TES: variants seen among roughly 807,000 people sequenced by gnomAD.
TES encodes testin.
A neutral mutation model predicts 48.2 loss-of-function variants in TES; 41 were observed. The ratio of observed to expected loss-of-function variants is 0.85; its 90% CI spans 0.66 to 1.10. TES has a LOEUF of 1.10. Ranked by LOEUF, TES falls within the 50% of genes least tolerant of loss-of-function variation. The probability of loss-of-function intolerance (pLI) is 0.00; values close to 1 mark genes in which losing one functional copy is unlikely to be tolerated. For missense variants in TES, 463 were observed against 515.1 expected (o/e 0.90, Z 0.98); for synonymous variants, 162 against 174.9 (o/e 0.93, Z 0.58).
At chr7:116,233,581 C>CA (rs1434768949) in intron 1 of TES, among the ~76,000 whole-genome samples, 1 of 152,132 alleles carries the variant, frequency 6.6e-6, no homozygotes, top group Non-Finnish European at 1.5e-5. Context: ...TCAAAAATGG[C>CA]AAATCATATT....
chr7:116,248,083 C>T (rs1252755986), intron 2 of TES, among the ~76,000 whole-genome samples: 1 of 152,158 alleles, frequency 6.6e-6, no homozygotes, highest in Non-Finnish European at 1.5e-5. Context: ...TTTTCCTTTC[C>T]TGTATTAATT....
chr7:116,233,296 A>C (rs1180223630), intron 1 of TES, among the ~76,000 whole-genome samples: 9 of 152,144 alleles, frequency 5.9e-5, no homozygotes, highest in Admixed American at 3.9e-4. Flanking sequence ...GCTTAATTAC[A>C]ACCTTGTGTC....
intron 1 of TES, among the ~76,000 whole-genome samples, chr7:116,218,446 G>A (rs1799519566): frequency 6.6e-6 from 1 of 152,108 alleles, no homozygotes; most frequent in Non-Finnish European, 1.5e-5. Context: ...TAGATGTTAG[G>A]TGGATTTTTG....
chr7:116,243,531 C>T (rs10256347), intron 2 of TES, among the ~76,000 whole-genome samples: 17,902 of 152,108 alleles, frequency 0.12, 1,095 homozygotes, highest in Non-Finnish European at 0.13. Flanking sequence ...TATTTCCTAC[C>T]AGGCTACAGT....
chr7:116,210,590 T>C lies in TES; in HGVS notation c.-118T>C. 3 of 1,136,342 alleles carry C rather than the reference T, an allele frequency of 2.6e-6. No homozygotes were observed. The highest frequency in any genetic ancestry group is 3.4e-5 in the East Asian group (1 of 29,452). 70.4% of individuals were successfully genotyped at this position (1,136,342 alleles called of 1,614,324 possible). A position where few individuals can be genotyped will look rare whatever the true frequency, so the allele number is the denominator to read the frequency against. ...TCGACGGCGCCGGGCGAGTGGCTGT[T>C]GAGCGGCGCCGCGGGAGTTCCGCAG... On this transcript the variant is annotated 5_prime_UTR_variant, in exon 1 of 7. Coordinates refer to ENST00000358204, the MANE Select transcript of TES (RefSeq NM_015641.4).
At chr7:116,215,960 A>G (rs1199807449) in intron 1 of TES, among the ~76,000 whole-genome samples, 3 of 152,176 alleles carry the variant, frequency 2.0e-5, no homozygotes, top group Non-Finnish European at 4.4e-5. Context: ...TCTTCATGCA[A>G]AAACATTTCT....
In TES at chr7:116,257,391, C is replaced by T. The variant is rs1382937131; in HGVS notation, c.1175C>T (p.Ser392Phe). Residue 392 changes from serine to phenylalanine, a missense_variant, in exon 7 of 7, where the codon TCT becomes TTT. Ser to Phe is a radical substitution (Grantham distance 155, BLOSUM62 -2). Transcript: ENST00000358204. ...GCATCCACAGAGTGCTTTCTGTGCT[C>T]TTGCTGCAGCAAATGCCTCATTGGG... ...WHASTECFLC[S>F]CCSKCLIGQK... 41 of 1,613,936 alleles carry T rather than the reference C, an allele frequency of 2.5e-5. No homozygotes were observed. Among genetic ancestry groups the T allele is most frequent in the Non-Finnish European group, 3.4e-5 (40 of 1,180,018 alleles).
intron 1 of TES, 121 bp from the exon 2 acceptor site, chr7:116,234,413 A>G: frequency 1.2e-6 from 1 of 801,770 alleles, no homozygotes; most frequent in Non-Finnish European, 2.1e-6. Flanking sequence ...TTGACTAAAT[A>G]TAAGATTTGT....
chr7:116,253,593 A>G (rs3807980), intron 6 of TES, among the ~76,000 whole-genome samples: 51,078 of 151,932 alleles, frequency 0.34, 9,050 homozygotes, highest in East Asian at 0.57. Context: ...TGTCCCTTCT[A>G]CTAGTTATCC....
chr7:116,245,535 C>T (rs905521141), intron 2 of TES, among the ~76,000 whole-genome samples: 1 of 152,178 alleles, frequency 6.6e-6, no homozygotes, highest in Non-Finnish European at 1.5e-5. Flanking sequence ...AACTTTCCCA[C>T]ATCTTCCTGT....
intron 2 of TES, among the ~76,000 whole-genome samples, chr7:116,240,654 AAG>A (rs1374507830): frequency 3.3e-5 from 5 of 152,200 alleles, no homozygotes; most frequent in Non-Finnish European, 7.3e-5. Context: ...AATCATGAAA[AAG>A]ACTTTTAAAC....
chr7:116,234,432 TATCTC>T, intron 1 of TES, 97 bp from the exon 2 acceptor site: 2 of 995,848 alleles, frequency 2.0e-6, no homozygotes, highest in Non-Finnish European at 1.5e-6. Flanking sequence ...GTTTGAAAGT[TATCTC>T]AACACAAGTG....
intron 2 of TES, among the ~76,000 whole-genome samples, chr7:116,238,531 C>A (rs1461012028): frequency 6.6e-6 from 1 of 151,866 alleles, no homozygotes; most frequent in African/African-American, 2.4e-5. Context: ...TGCTGCATAA[C>A]AAATTACTAC....
chr7:116,256,219 A>C (rs1294970194), intron 6 of TES, among the ~76,000 whole-genome samples: 1 of 152,180 alleles, frequency 6.6e-6, no homozygotes, highest in African/African-American at 2.4e-5. Flanking sequence ...TTCACTGCCT[A>C]AACCAATTAC....
At chr7:116,238,023 C>A (rs1162416122) in intron 2 of TES, 1 of 152,274 alleles carries the variant, frequency 6.6e-6, no homozygotes, top group Non-Finnish European at 1.5e-5. Flanking sequence ...TGAGGAAACA[C>A]AGTTCAGCCC....
intron 2 of TES, 123 bp from the exon 3 acceptor site, chr7:116,248,897 G>A (rs1799962633): frequency 1.0e-6 from 1 of 958,266 alleles, no homozygotes; most frequent in Non-Finnish European, 1.5e-6. Flanking sequence ...TCCTAAAAAA[G>A]GACTTGCCTT....
chr7:116,250,113 A>G (rs755969533), intron 3 of TES, 48 bp from the exon 4 acceptor site: 1 of 1,450,496 alleles, frequency 6.9e-7, no homozygotes, highest in East Asian at 2.5e-5. Context: ...GAAACATCAC[A>G]CTGCCTAATG....
At position 116,246,947 on chromosome 7, in the gene TES, C is replaced by CTTT. The variant is rs35662534; in HGVS notation, c.114-2055_114-2053dup. Among the ~76,000 whole-genome samples the CTTT allele has an allele frequency of 3.6e-3, 468 of 131,462 alleles. 3 individuals are homozygous for CTTT. Among genetic ancestry groups the CTTT allele is most frequent in the African/African-American group, 0.013 (450 of 34,880 alleles). The allele number at this position is 131,462 out of a possible 152,430, so 86.2% of individuals were successfully genotyped here. ...GTTCTAGAAATCAGAGACTAGGCCCCTTTTTTTTTTTTTTTTTTTTAAGCA... is the reference window on the plus strand; with the variant it reads ...GTTCTAGAAATCAGAGACTAGGCCCCTTTTTTTTTTTTTTTTTTTTTTTAAGCA... On this transcript the variant is annotated intron_variant, in intron 2 of 6. Transcript: ENST00000358204.
chr7:116,249,413 C>T, intron 3 of TES, 141 bp downstream of exon 3: 1 of 995,230 alleles, frequency 1.0e-6, no homozygotes, highest in South Asian at 1.7e-5. Context: ...ACTTCTGATT[C>T]CTGTTCTAGT....
Sources: gnomAD v4.1 joint callset for allele counts (sites outside exome capture counted in the v4.1 genomes callset) on GRCh38, gnomAD v4.1.1 for gene constraint, MANE v1.5 for transcripts, NCBI Gene and HGNC (gene_info 2026-07-23, HGNC 2026-07-21) for gene names.